SDHB: variants seen among roughly 807,000 people sequenced by gnomAD.
The protein encoded by SDHB is succinate dehydrogenase complex iron sulfur subunit B.
In SDHB, 21 loss-of-function variants were observed where a neutral mutation model predicts 39.7. The ratio of observed to expected loss-of-function variants is 0.53; its 90% CI spans 0.37 to 0.76. The LOEUF is 0.76. Ranked by LOEUF, SDHB falls within the 30% of genes least tolerant of loss-of-function variation. SDHB has a pLI of 0.00. For missense variants in SDHB, 343 were observed against 350.9 expected, an observed-to-expected ratio of 0.98 and a Z score of 0.18; for synonymous variants, 118 against 117.0, an observed-to-expected ratio of 1.01 and a Z score of -0.06.
intron 5 of SDHB, among the ~76,000 whole-genome samples, chr1:17,026,926 T>C (rs1255526904): frequency 1.3e-5 from 2 of 152,194 alleles, no homozygotes; most frequent in African/African-American, 2.4e-5. Flanking sequence ...CCACTGCATC[T>C]GGCCTTTTAA....
chr1:17,033,474 T>G (rs2078034060), intron 2 of SDHB, among the ~76,000 whole-genome samples: 1 of 152,228 alleles, frequency 6.6e-6, no homozygotes, highest in African/African-American at 2.4e-5. Flanking sequence ...ATAATTTATT[T>G]CAAATTTTAG....
intron 1 of SDHB, chr1:17,052,561 TTTAA>T (rs2078154720): frequency 6.6e-6 from 1 of 152,264 alleles, no homozygotes; most frequent in African/African-American, 2.4e-5. Context: ...GCTCTCACAA[TTTAA>T]TTGTTTGCTC....
At chr1:17,050,520 G>A (rs913141438) in intron 1 of SDHB, among the ~76,000 whole-genome samples, 7 of 151,730 alleles carry the variant, frequency 4.6e-5, no homozygotes, top group South Asian at 2.1e-4. Flanking sequence ...GCACGATGGC[G>A]GGCACCTGTA....
intron 1 of SDHB, among the ~76,000 whole-genome samples, chr1:17,047,006 C>T (rs760395323): frequency 7.9e-5 from 12 of 152,160 alleles, no homozygotes; most frequent in Admixed American, 2.0e-4. Context: ...CGTGAGCCAC[C>T]GTGCCTGGCC....
At position 17,024,071 on chromosome 1, in the gene SDHB, C is replaced by A. The variant is rs201928318; in HGVS notation, c.544G>T (p.Gly182Trp). ...GCACAGAGAATGCACTCGTAGAGCC[C>A]GTCCTGTATGGGGAGAAAAGAGAGG... ...QSIEEREKLD[G>W]LYECILCACC... Residue 182 changes from glycine (G) to tryptophan (W), a missense_variant, in exon 6 of 8, where the codon GGG becomes TGG. Transcript: ENST00000375499. The A allele has an allele frequency of 1.2e-6, 2 of 1,610,980 alleles. No homozygotes were observed. The highest frequency in any genetic ancestry group is 1.3e-5 in the African/African-American group (1 of 74,848).
At chr1:17,022,012 C>A (rs1202747894) in intron 7 of SDHB, among the ~76,000 whole-genome samples, 8 of 152,312 alleles carry the variant, frequency 5.3e-5, no homozygotes, top group Non-Finnish European at 1.2e-4. Context: ...GTGAGCTGGG[C>A]CAATGCGACA....
chr1:17,038,222 T>A (rs1257505020), intron 2 of SDHB, among the ~76,000 whole-genome samples: 1 of 152,248 alleles, frequency 6.6e-6, no homozygotes, highest in Non-Finnish European at 1.5e-5. Flanking sequence ...CAAGGTTTTG[T>A]GTAAAAGATT....
chr1:17,034,728 C>T (rs924133435), intron 2 of SDHB, among the ~76,000 whole-genome samples: 5 of 152,120 alleles, frequency 3.3e-5, no homozygotes, highest in African/African-American at 1.2e-4. Flanking sequence ...TTCTGCTGGA[C>T]CTCTGCTAAC....
intron 7 of SDHB, among the ~76,000 whole-genome samples, chr1:17,019,632 G>A (rs1486520576): frequency 3.9e-5 from 6 of 152,090 alleles, no homozygotes; most frequent in Non-Finnish European, 8.8e-5. Flanking sequence ...TCTGACGTTA[G>A]TGAAGGTTCC....
chr1:17,048,301 T>C (rs2078124894), intron 1 of SDHB, among the ~76,000 whole-genome samples: 1 of 152,234 alleles, frequency 6.6e-6, no homozygotes, highest in African/African-American at 2.4e-5. Flanking sequence ...TTCATCCAAG[T>C]TGCTGTGTAC....
chr1:17,036,537 TTTC>T (rs2078051082), intron 2 of SDHB, among the ~76,000 whole-genome samples: 2 of 151,918 alleles, frequency 1.3e-5, no homozygotes, highest in Admixed American at 6.6e-5. Context: ...TTCCTAAGAA[TTTC>T]TTTTTTGATG....
chr1:17,021,032 A>AGGG (rs1175313683), intron 7 of SDHB, among the ~76,000 whole-genome samples: 19 of 152,132 alleles, frequency 1.2e-4, no homozygotes, highest in African/African-American at 4.3e-4. Flanking sequence ...GAAATCACCC[A>AGGG]CAGTCTTTGC....
chr1:17,030,375 C>T (rs2078016012), intron 3 of SDHB, among the ~76,000 whole-genome samples: 1 of 152,068 alleles, frequency 6.6e-6, no homozygotes, highest in South Asian at 2.1e-4. Context: ...AAATACGCAG[C>T]ATAGTACCCT....
At chr1:17,019,336 C>G (rs944994099) in intron 7 of SDHB, among the ~76,000 whole-genome samples, 1 of 152,198 alleles carries the variant, frequency 6.6e-6, no homozygotes, top group African/African-American at 2.4e-5. Context: ...TTTACATCAT[C>G]ATTATTAAAT....
chr1:17,048,546 T>C (rs2078126216), intron 1 of SDHB, among the ~76,000 whole-genome samples: 1 of 152,134 alleles, frequency 6.6e-6, no homozygotes, highest in African/African-American at 2.4e-5. Context: ...CAAGTTTAGT[T>C]TTTTTTAAGC....
In SDHB at chr1:17,023,958, T is replaced by C. The variant is rs368427218; in HGVS notation, c.642+15A>G. The C allele has an allele frequency of 3.1e-6, 5 of 1,589,194 alleles. No individual in the cohort carries two copies. The highest frequency in any genetic ancestry group is 4.3e-6 in the Non-Finnish European group (5 of 1,158,112). ...GAGTTTCAATTTCTCTTAAAGCAAT[T>C]AAGGAGCACCTCACCTGCATAAGAA... On this transcript the variant is annotated intron_variant, in intron 6 of 7. Transcript: ENST00000375499.
intron 3 of SDHB, among the ~76,000 whole-genome samples, chr1:17,030,954 CTTTTT>C (rs35938342): frequency 7.0e-6 from 1 of 142,018 alleles, no homozygotes; most frequent in Non-Finnish European, 1.5e-5. Flanking sequence ...CTGGCCTCAC[CTTTTT>C]TTTTTTTTTT....
At chr1:17,041,280 TTTTCCATTTGGC>T (rs1410859356) in intron 2 of SDHB, among the ~76,000 whole-genome samples, 1 of 152,244 alleles carries the variant, frequency 6.6e-6, no homozygotes, top group Non-Finnish European at 1.5e-5. Context: ...CAGTACTAGA[TTTTCCATTTGGC>T]TTTTCAATAG....
Position 17,051,489 on chromosome 1 carries a change from G to C in SDHB, c.72+2459C>G, listed in dbSNP as rs147652082. The stretch of plus-strand genomic sequence containing the variant: ...GAGAAGAAGGTGGGGAAATAGAGAG[G>C]AAGAAAGCAAAAAGGACTGTATGAA... On this transcript the variant is annotated intron_variant, in intron 1 of 7. Coordinates refer to ENST00000375499, the MANE Select transcript of SDHB (RefSeq NM_003000.3). Among the ~76,000 whole-genome samples, 73 of 152,172 alleles carry C rather than the reference G, an allele frequency of 4.8e-4. No homozygotes were observed. In the East Asian group the frequency reaches 0.014, roughly 29 times the overall value.
Sources: gnomAD v4.1 joint callset for allele counts (sites outside exome capture counted in the v4.1 genomes callset) on GRCh38, gnomAD v4.1.1 for gene constraint, MANE v1.5 for transcripts, NCBI Gene and HGNC (gene_info 2026-07-23, HGNC 2026-07-21) for gene names.